Variants in FGFRL1 observed in about 807,000 individuals in gnomAD.
FGFRL1 encodes the protein fibroblast growth factor receptor like 1.
In FGFRL1, 24 loss-of-function variants were observed where a neutral mutation model predicts 36.8. The observed-to-expected ratio is 0.65, with a 90% confidence interval of 0.47 to 0.92. FGFRL1 has a LOEUF of 0.92. Ranked by LOEUF, FGFRL1 falls within the 40% of genes least tolerant of loss-of-function variation. The pLI, the probability that FGFRL1 is intolerant of heterozygous loss-of-function variation, is 0.00. For synonymous variants in FGFRL1, 422 were observed against 344.1 expected, an observed-to-expected ratio of 1.23 and a Z score of -2.50; for missense variants, 785 against 753.4, an observed-to-expected ratio of 1.04 and a Z score of -0.49.
At chr4:1,017,650 G>A (rs1315993636) in intron 2 of FGFRL1, among the ~76,000 whole-genome samples, 1 of 152,208 alleles carries the variant, frequency 6.6e-6, no homozygotes, top group South Asian at 2.1e-4. Context: ...GGAGGAGGCC[G>A]TTTCCAGCCA....
chr4:1,025,187 C>T lies in FGFRL1; in HGVS notation c.1355C>T (p.Ser452Phe), dbSNP rs1260461436. ...PGVGLCEEHG[S>F]PAAPQHLLGP... ...GTGGGGCTGTGTGAGGAGCATGGGT[C>T]TCCGGCAGCCCCCCAGCACTTACTG... The change falls in exon 7 of 7, where the codon TCT becomes TTT. Residue 452 changes from serine to phenylalanine, a missense_variant. Ser to Phe is a radical substitution (Grantham distance 155). Transcript: ENST00000510644. 6.2e-7 allele frequency: 1 copy of T among 1,610,510 alleles called. No individual in the cohort carries two copies. The highest frequency in any genetic ancestry group is 8.5e-7 in the Non-Finnish European group (1 of 1,179,012).
Position 1,022,299 on chromosome 4 carries a change from C to A in FGFRL1, c.176C>A (p.Pro59Gln). ...TGCCCAGTGGAGGGGGACCCGCCGC[C>A]GCTGACCATGTGGACCAAGGATGGC... ...LQCPVEGDPP[P>Q]LTMWTKDGRT... Residue 59 changes from proline to glutamine, a missense_variant, in exon 3 of 7, where the codon CCG (proline) becomes CAG (glutamine). Coordinates refer to ENST00000510644, the MANE Select transcript of FGFRL1 (RefSeq NM_001004356.3). The A allele has an allele frequency of 6.3e-7, 1 of 1,593,766 alleles. No individual in the cohort carries two copies. The highest frequency in any genetic ancestry group is 8.5e-7 in the Non-Finnish European group (1 of 1,171,464).
intron 2 of FGFRL1, 76 bp downstream of exon 2, chr4:1,012,640 C>A (rs1715660626): frequency 3.3e-6 from 2 of 597,028 alleles, no homozygotes; most frequent in South Asian, 3.1e-5. Flanking sequence ...CTGAACCCTG[C>A]CACAGTGCCC....
At position 1,014,983 on chromosome 4, in the gene FGFRL1, CCGCAGGCCCCG is replaced by C. The variant is rs1715812712; in HGVS notation, c.79+2423_79+2433del. Among the ~76,000 whole-genome samples the C allele has an allele frequency of 2.0e-5, 3 of 152,232 alleles. No homozygotes were observed. The South Asian group carries it at 6.2e-4, about 31-fold the overall frequency. On this transcript the variant is annotated intron_variant, in intron 2 of 6. Transcript: ENST00000510644. ...AATGGGCCTCCGGGCTCCCTTTCAG[CCGCAGGCCCCG>C]CGCTGCGGCCCTGTCAGGGGAAATG...
At chr4:1,010,425 C>T (rs1448062807), upstream of FGFRL1, among the ~76,000 whole-genome samples, 1 of 152,240 alleles carries the variant, frequency 6.6e-6, no homozygotes, top group African/African-American at 2.4e-5. Context: ...CCGGGTAGTT[C>T]GGGCCTTGAG....
chr4:1,013,341 A>ACCTGTGGCCAGGCCGGC (rs1358255564), intron 2 of FGFRL1, among the ~76,000 whole-genome samples: 4 of 152,186 alleles, frequency 2.6e-5, no homozygotes, highest in African/African-American at 9.7e-5. Context: ...GCTAGGCGGG[A>ACCTGTGGCCAGGCCGGC]CCTGTGGCCA....
intron 3 of FGFRL1, among the ~76,000 whole-genome samples, 187 bp downstream of exon 3, chr4:1,022,662 G>A (rs1225919633): frequency 2.0e-5 from 3 of 152,122 alleles, no homozygotes; most frequent in African/African-American, 4.8e-5. Flanking sequence ...ATCCTGTCCC[G>A]TTCCTGTCCC....
At chr4:1,012,203 C>T in intron 1 of FGFRL1, 1 of 407,068 alleles carries the variant, frequency 2.5e-6, no homozygotes, top group Non-Finnish European at 4.4e-6. Context: ...GTTGTGTGTC[C>T]TGCGGGCAGG....
rs1163400212 is a variant in FGFRL1 at position 1,025,701 on chromosome 4, C to T, written c.*354C>T. 10 of 378,942 alleles carry T rather than the reference C, an allele frequency of 2.6e-5. No individual in the cohort carries two copies. In the South Asian group the frequency reaches 2.8e-4, roughly 11 times the overall value. 23.5% of individuals were successfully genotyped at this position (378,942 alleles called of 1,614,324 possible). A position where few individuals can be genotyped will look rare whatever the true frequency, so the allele number is the denominator to read the frequency against. Reference sequence around the variant, plus strand: ...GACATGCTGCCTGAACATACACACGCACACCCATGCGCAGATGTGCTGCCT... The same window carrying T: ...GACATGCTGCCTGAACATACACACGTACACCCATGCGCAGATGTGCTGCCT... On this transcript the variant is annotated 3_prime_UTR_variant, in exon 7 of 7. Coordinates refer to ENST00000510644, the MANE Select transcript of FGFRL1 (RefSeq NM_001004356.3).
chr4:1,019,937 G>A (rs997782582), intron 2 of FGFRL1, among the ~76,000 whole-genome samples: 5 of 152,324 alleles, frequency 3.3e-5, no homozygotes, highest in Admixed American at 6.5e-5. Flanking sequence ...GCAGGGAGGC[G>A]CCGTGTCTCC....
At position 1,026,115 on chromosome 4, in the gene FGFRL1, ATGC is replaced by A. The variant is rs1318927711; in HGVS notation, c.*772_*774del. 1.3e-5 allele frequency: 2 copies of A among 153,060 alleles called. No homozygotes were observed. The highest frequency in any genetic ancestry group is 2.0e-4 in the South Asian group (1 of 5,118). 9.5% of individuals were successfully genotyped at this position (153,060 alleles called of 1,614,324 possible). A position where few individuals can be genotyped will look rare whatever the true frequency, so the allele number is the denominator to read the frequency against. On this transcript the variant is annotated 3_prime_UTR_variant, in exon 7 of 7. Transcript: ENST00000510644. ...TGCTGCCTGGACACACACACAGATA[ATGC>A]TGCCTCAACACTCACACACGTGCAG...
intron 1 of FGFRL1, chr4:1,012,248 T>G: frequency 2.0e-6 from 1 of 492,830 alleles, no homozygotes. Context: ...CCAGACGGTG[T>G]TTGGAGAGGG....
chr4:1,016,450 C>T (rs185626986), intron 2 of FGFRL1, among the ~76,000 whole-genome samples: 5 of 152,208 alleles, frequency 3.3e-5, no homozygotes, highest in Non-Finnish European at 5.9e-5. Flanking sequence ...ACAAGGTTCT[C>T]TCCAGGGCGT....
At chr4:1,014,487 C>G (rs1415197081) in intron 2 of FGFRL1, among the ~76,000 whole-genome samples, 3 of 152,204 alleles carry the variant, frequency 2.0e-5, no homozygotes. Context: ...GGAGGCCACT[C>G]CCCTGTCCTC....
chr4:1,013,101 C>T (rs1035790754), intron 2 of FGFRL1, among the ~76,000 whole-genome samples: 10 of 152,332 alleles, frequency 6.6e-5, no homozygotes, highest in Admixed American at 3.3e-4. Context: ...CAGGCAGTGC[C>T]GGGCGGTTGT....
At position 1,025,068 on chromosome 4, in the gene FGFRL1, TC is replaced by T; in HGVS notation, c.1240del (p.Leu414CysfsTer166). ...KKPCTPAPAP[P>X]LPGHRPPGTA... ...AGCCGTGCACCCCCGCGCCTGCCCC[TC>T]CCCTGCCTGGGCACCGCCCGCCGGG... On this transcript the variant is annotated frameshift_variant, in exon 7 of 7. Coordinates refer to ENST00000510644, the MANE Select transcript of FGFRL1 (RefSeq NM_001004356.3). LOFTEE classifies it low-confidence loss of function (END_TRUNC). 1 of 1,609,480 alleles carries T rather than the reference TC, an allele frequency of 6.2e-7. No individual in the cohort carries two copies. Among genetic ancestry groups the T allele is most frequent in the Non-Finnish European group, 8.5e-7 (1 of 1,178,384 alleles).
At position 1,026,278 on chromosome 4, in the gene FGFRL1, A is replaced by T. The variant is rs1001395827; in HGVS notation, c.*931A>T. ...GGCACACACTTCCGGACACACATGC[A>T]CACACAGGTGCAGATATGCTGCCTG... On this transcript the variant is annotated 3_prime_UTR_variant, in exon 7 of 7. Coordinates refer to ENST00000510644, the MANE Select transcript of FGFRL1 (RefSeq NM_001004356.3). 3 of 158,046 alleles carry T rather than the reference A, an allele frequency of 1.9e-5. No individual in the cohort carries two copies. Among genetic ancestry groups the T allele is most frequent in the Non-Finnish European group, 4.2e-5 (3 of 72,056 alleles). The allele number at this position is 158,046 out of a possible 1,614,324, so 9.8% of individuals were successfully genotyped here. A position where few individuals can be genotyped will look rare whatever the true frequency, so the allele number is the denominator to read the frequency against.
At chr4:1,015,937 G>A (rs1715864429) in intron 2 of FGFRL1, among the ~76,000 whole-genome samples, 1 of 152,254 alleles carries the variant, frequency 6.6e-6, no homozygotes, top group South Asian at 2.1e-4. Flanking sequence ...ATGCACCAGG[G>A]TGCCTGACGC....
At chr4:1,011,195 T>G (rs1715559071), upstream of FGFRL1, 1 of 152,028 alleles carries the variant, frequency 6.6e-6, no homozygotes, top group Non-Finnish European at 1.5e-5. Flanking sequence ...GGCCCGGGGC[T>G]GCGCAGAGGT....
Sources: allele counts gnomAD v4.1 joint callset (sites outside exome capture counted in the v4.1 genomes callset), GRCh38; gene constraint gnomAD v4.1.1; transcripts MANE v1.5; gene names NCBI Gene and HGNC (gene_info 2026-07-23, HGNC 2026-07-21).